The following PAPPA2 variants were observed in gnomAD, a reference collection of about 807,000 sequenced individuals.
PAPPA2 encodes the protein pappalysin-2.
A neutral mutation model predicts 176.4 loss-of-function variants in PAPPA2; 86 were observed. That is an observed-to-expected ratio of 0.49 (90% confidence interval 0.41 to 0.58). PAPPA2 has a LOEUF of 0.58. Ranked by LOEUF, PAPPA2 falls within the 20% of genes least tolerant of loss-of-function variation. The pLI, the probability that PAPPA2 is intolerant of heterozygous loss-of-function variation, is 0.00. For synonymous variants in PAPPA2, 809 were observed against 852.2 expected (o/e 0.95, Z 0.88); for missense variants, 2,073 against 2,256.9 (o/e 0.92, Z 1.65).
intron 1 of PAPPA2, among the ~76,000 whole-genome samples, chr1:176,507,715 T>A (rs1178970978): frequency 2.0e-5 from 3 of 151,702 alleles, no homozygotes; most frequent in Non-Finnish European, 4.4e-5. Flanking sequence ...TTCTCACTTA[T>A]AAGTGGAAGC....
chr1:176,630,631 G>T (rs1034154848), intron 3 of PAPPA2, among the ~76,000 whole-genome samples: 3 of 152,116 alleles, frequency 2.0e-5, no homozygotes, highest in Admixed American at 2.0e-4. Flanking sequence ...TAAACTAAAA[G>T]AAAGCAGTGG....
At chr1:176,596,570 T>C (rs1428372519) in intron 3 of PAPPA2, among the ~76,000 whole-genome samples, 2 of 152,266 alleles carry the variant, frequency 1.3e-5, no homozygotes, top group Admixed American at 6.5e-5. Context: ...AATTTCCTGT[T>C]TAACACTTAG....
chr1:176,635,048 C>T (rs1222734950), intron 3 of PAPPA2, among the ~76,000 whole-genome samples: 1 of 151,844 alleles, frequency 6.6e-6, no homozygotes, highest in Non-Finnish European at 1.5e-5. Context: ...AGGACTAAAC[C>T]TCAGGGAAAT....
chr1:176,556,332 TTAA>T lies in PAPPA2; in HGVS notation c.11_13del (p.Leu4_Lys5delinsTer). On this transcript the variant is annotated stop_gained and inframe_deletion, in exon 2 of 23. Transcript: ENST00000367662. LOFTEE classifies it high-confidence loss of function. The stretch of plus-strand genomic sequence containing the variant: ...AAGAGCTAGGGGAGGTATGATGTGC[TTAA>T]AGATCCTAAGAATAAGCCTGGCGAT... 6.2e-7 allele frequency: 1 copy of T among 1,613,430 alleles called. No homozygotes were observed. Among genetic ancestry groups the T allele is most frequent in the Admixed American group, 1.7e-5 (1 of 59,970 alleles).
intron 21 of PAPPA2, among the ~76,000 whole-genome samples, chr1:176,825,166 T>C (rs889835987): frequency 1.2e-4 from 19 of 152,344 alleles, no homozygotes; most frequent in Admixed American, 5.9e-4. Context: ...GTTCTTTGGA[T>C]TGATCCATCA....
At chr1:176,799,962 A>G (rs930038369) in intron 20 of PAPPA2, 99 bp from the exon 21 acceptor site, 1 of 1,198,042 alleles carries the variant, frequency 8.3e-7, no homozygotes, top group African/African-American at 1.5e-5. Flanking sequence ...TGCTTGAGAA[A>G]TGGAGTTGGA....
chr1:176,558,105 G>T (rs1651434832), intron 2 of PAPPA2, among the ~76,000 whole-genome samples: 1 of 152,158 alleles, frequency 6.6e-6, no homozygotes, highest in Admixed American at 6.5e-5. Context: ...GAAGCAAGGG[G>T]TCATGGATTA....
chr1:176,593,365 T>A (rs1267326407), intron 2 of PAPPA2, among the ~76,000 whole-genome samples: 1 of 152,200 alleles, frequency 6.6e-6, no homozygotes, highest in East Asian at 1.9e-4. Flanking sequence ...CTCTTGATGT[T>A]TACCCAGGTA....
chr1:176,717,047 C>T (rs893010481), intron 12 of PAPPA2, among the ~76,000 whole-genome samples: 4 of 152,182 alleles, frequency 2.6e-5, no homozygotes, highest in Non-Finnish European at 5.9e-5. Context: ...CAGTGCTAGG[C>T]AGAAAGCAAA....
intron 3 of PAPPA2, among the ~76,000 whole-genome samples, chr1:176,670,175 G>A (rs1007683844): frequency 3.9e-5 from 6 of 152,194 alleles, no homozygotes; most frequent in Non-Finnish European, 5.9e-5. Context: ...AGAAGCTAAA[G>A]ATCTTTGACT....
At chr1:176,664,523 G>C (rs141397406) in intron 3 of PAPPA2, among the ~76,000 whole-genome samples, 4 of 152,102 alleles carry the variant, frequency 2.6e-5, no homozygotes, top group Admixed American at 6.6e-5. Context: ...TAATCTCCTC[G>C]TCTCAAAGCC....
intron 12 of PAPPA2, among the ~76,000 whole-genome samples, chr1:176,723,236 T>C (rs1439666743): frequency 6.6e-6 from 1 of 152,234 alleles, no homozygotes; most frequent in Non-Finnish European, 1.5e-5. Flanking sequence ...TTTGAAAGGC[T>C]CTGTCTCTTG....
chr1:176,623,744 CTCTT>C (rs1427633506), intron 3 of PAPPA2, among the ~76,000 whole-genome samples: 4 of 62,076 alleles, frequency 6.4e-5, no homozygotes, highest in Admixed American at 3.2e-4. Context: ...TTCTTTCTCT[CTCTT>C]TCCTTCCTTC....
At chr1:176,762,541 G>A (rs1663746668) in intron 14 of PAPPA2, among the ~76,000 whole-genome samples, 1 of 152,150 alleles carries the variant, frequency 6.6e-6, no homozygotes, top group Admixed American at 6.6e-5. Context: ...AACTAATGTG[G>A]ACCAGAGTAT....
chr1:176,504,435 T>C (rs1298638174), intron 1 of PAPPA2, among the ~76,000 whole-genome samples: 2 of 152,142 alleles, frequency 1.3e-5, no homozygotes, highest in Admixed American at 6.6e-5. Context: ...TACACTATTA[T>C]GTTATCTTCC....
At chr1:176,663,981 G>A (rs1281660104) in intron 3 of PAPPA2, among the ~76,000 whole-genome samples, 1 of 152,106 alleles carries the variant, frequency 6.6e-6, no homozygotes, top group Non-Finnish European at 1.5e-5. Flanking sequence ...GCCAAAAACT[G>A]GAGTGGTGAA....
intron 2 of PAPPA2, among the ~76,000 whole-genome samples, chr1:176,558,924 G>T (rs1651494235): frequency 6.6e-6 from 1 of 152,160 alleles, no homozygotes. Flanking sequence ...GCTCTAAGGG[G>T]CTGCTGCTTT....
At chr1:176,650,949 C>A (rs1294115822) in intron 3 of PAPPA2, among the ~76,000 whole-genome samples, 1 of 151,536 alleles carries the variant, frequency 6.6e-6, no homozygotes. Context: ...AGAGATGACA[C>A]CTTAGATCAC....
intron 1 of PAPPA2, among the ~76,000 whole-genome samples, chr1:176,507,285 T>TAACA (rs1033415828): frequency 4.6e-4 from 70 of 152,090 alleles, no homozygotes; most frequent in African/African-American, 1.5e-3. Context: ...AGTAAAAAAG[T>TAACA]AACAGATGCT....
Sources: gnomAD v4.1 joint callset for allele counts (sites outside exome capture counted in the v4.1 genomes callset) on GRCh38, gnomAD v4.1.1 for gene constraint, MANE v1.5 for transcripts, NCBI Gene and HGNC (gene_info 2026-07-23, HGNC 2026-07-21) for gene names.